The following ENPP2 variants were observed in gnomAD, a reference collection of about 807,000 sequenced individuals.
ENPP2 encodes autotaxin.
ENPP2 carries 51 observed loss-of-function variants against 120.2 expected under a neutral mutation model. The ratio of observed to expected loss-of-function variants is 0.42; its 90% CI spans 0.34 to 0.54. ENPP2 has a LOEUF of 0.54. Among genes scored for constraint, ENPP2 ranks in the 20% least tolerant of loss-of-function variants. The probability of loss-of-function intolerance (pLI) is 0.04; values close to 1 mark genes in which losing one functional copy is unlikely to be tolerated. For missense variants in ENPP2, 920 were observed against 1,066.5 expected (o/e 0.86, Z 1.91); for synonymous variants, 365 against 366.4 (o/e 1.00, Z 0.04).
Position 119,619,321 on chromosome 8 carries a change from G to A in ENPP2, c.419-17C>T, listed in dbSNP as rs199518862. Reference sequence around the variant, plus strand: ...GCGACTCTCCTATAAGGAAAAATGGGTAAATGTATTGTTGAATCTAATTAC... The same window carrying A: ...GCGACTCTCCTATAAGGAAAAATGGATAAATGTATTGTTGAATCTAATTAC... On this transcript the variant is annotated splice_polypyrimidine_tract_variant and intron_variant, in intron 4 of 24. Coordinates refer to ENST00000075322, the MANE Select transcript of ENPP2 (RefSeq NM_001040092.3). The A allele has an allele frequency of 1.4e-4, 223 of 1,574,542 alleles. 2 individuals are homozygous for A. In the East Asian group the frequency reaches 4.9e-3, roughly 35 times the overall value.
At chr8:119,633,844 C>G (rs1488812348) in intron 2 of ENPP2, among the ~76,000 whole-genome samples, 3 of 151,472 alleles carry the variant, frequency 2.0e-5, no homozygotes, top group Non-Finnish European at 4.4e-5. Flanking sequence ...TAAAGAGGTC[C>G]ACCTGGGAAG....
intron 1 of ENPP2, among the ~76,000 whole-genome samples, chr8:119,653,515 A>G (rs1817682613): frequency 6.6e-6 from 1 of 152,150 alleles, no homozygotes; most frequent in Non-Finnish European, 1.5e-5. Flanking sequence ...GGTGTCTTGG[A>G]AAAAATAGCA....
At chr8:119,618,503 TATAAA>T (rs1475718750) in intron 5 of ENPP2, 55 of 355,312 alleles carry the variant, frequency 1.5e-4, no homozygotes, top group Non-Finnish European at 2.1e-4. Context: ...TTGCTGGTGC[TATAAA>T]GGTTCCCATT....
At chr8:119,583,541 A>T (rs1471243021) in intron 17 of ENPP2, among the ~76,000 whole-genome samples, 176 bp downstream of exon 17, 1 of 152,230 alleles carries the variant, frequency 6.6e-6, no homozygotes, top group Non-Finnish European at 1.5e-5. Flanking sequence ...AAGACAAAGA[A>T]GCCTTAGAAG....
intron 19 of ENPP2, chr8:119,571,897 C>G (rs1031497962): frequency 1.0e-5 from 3 of 289,638 alleles, no homozygotes; most frequent in Non-Finnish European, 1.9e-5. Context: ...GAATACTTTG[C>G]AAGACCCTCC....
At chr8:119,647,360 C>T (rs769302682) in intron 1 of ENPP2, among the ~76,000 whole-genome samples, 1 of 152,082 alleles carries the variant, frequency 6.6e-6, no homozygotes, top group Admixed American at 6.6e-5. Context: ...GACCAATTAT[C>T]CTTGCACTAC....
intron 3 of ENPP2, among the ~76,000 whole-genome samples, chr8:119,622,171 C>T (rs1377761343): frequency 6.6e-6 from 1 of 152,154 alleles, no homozygotes; most frequent in Non-Finnish European, 1.5e-5. Flanking sequence ...TCAGGTGATC[C>T]TCCCACCTTG....
rs577940128 is a variant in ENPP2, at chr8:119,564,683, A to T, written c.2264+140T>A. 578 of 328,236 alleles carry T rather than the reference A, an allele frequency of 1.8e-3. 6 individuals carry two copies. The highest frequency in any genetic ancestry group is 0.011 in the African/African-American group (498 of 46,342). The allele number at this position is 328,236 out of a possible 1,614,324, so 20.3% of individuals were successfully genotyped here. On this transcript the variant is annotated intron_variant, in intron 23 of 24. Coordinates refer to ENST00000075322, the MANE Select transcript of ENPP2 (RefSeq NM_001040092.3). ...ACAGAGCAAGACGCCGTCTCAAAAA[A>T]ATATATATATATATATATTGAAAAA...
intron 2 of ENPP2, among the ~76,000 whole-genome samples, chr8:119,626,937 A>G (rs1469245825): frequency 6.6e-6 from 1 of 152,210 alleles, no homozygotes; most frequent in African/African-American, 2.4e-5. Context: ...AAGTAACTCT[A>G]TGTTGAAAAG....
chr8:119,637,872 T>C (rs959385139), intron 2 of ENPP2, among the ~76,000 whole-genome samples: 1 of 152,206 alleles, frequency 6.6e-6, no homozygotes, highest in South Asian at 2.1e-4. Context: ...TACCTTTCCT[T>C]TGCCATAAGG....
rs79363632 is a variant in ENPP2 at position 119,663,076 on chromosome 8, C to T, written c.21+10176G>A. Among the ~76,000 whole-genome samples the T allele has an allele frequency of 3.8e-3, 575 of 150,126 alleles. 5 individuals are homozygous for T. The highest frequency in any genetic ancestry group is 0.014 in the African/African-American group (552 of 40,762). On this transcript the variant is annotated intron_variant, in intron 1 of 25. Coordinates refer to the ENPP2 transcript ENST00000427067. ...AGGTTCCAGCGAGCCAAAATCACGC[C>T]GCTGCACTCCAGCCTGGGCAACACA...
At position 119,583,754 on chromosome 8, in the gene ENPP2, A is replaced by G. The variant is rs1218942340; in HGVS notation, c.1506T>C (p.Pro502=). The change falls in exon 17 of 25, where the codon CCT becomes CCC. Residue 502 remains proline (P), a synonymous_variant. Transcript: ENST00000075322. ...TGTAAAGTTCAATGTTTTCAAATGG[A>G]GGCACTTTAGTCTTGTACTTAAATG... The part of the protein sequence containing the change: ...GSTFKYKTKV[P]PFENIELYNV... 2 of 1,600,766 alleles carry G rather than the reference A, an allele frequency of 1.2e-6. No individual in the cohort carries two copies. The highest frequency in any genetic ancestry group is 1.7e-6 in the Non-Finnish European group (2 of 1,168,746).
chr8:119,595,947 G>T (rs1386883580), intron 11 of ENPP2: 4 of 1,613,698 alleles, frequency 2.5e-6, no homozygotes, highest in African/African-American at 2.7e-5. Context: ...CCTCTTAGGG[G>T]CAACTTTCCT....
chr8:119,655,517 C>T (rs1197801677), intron 1 of ENPP2, among the ~76,000 whole-genome samples: 3 of 152,214 alleles, frequency 2.0e-5, no homozygotes, highest in African/African-American at 7.2e-5. Flanking sequence ...TAGGAACCCT[C>T]TCTGGACCTT....
chr8:119,607,501 C>G (rs1814800638), intron 9 of ENPP2, among the ~76,000 whole-genome samples: 1 of 152,026 alleles, frequency 6.6e-6, no homozygotes, highest in Non-Finnish European at 1.5e-5. Flanking sequence ...TGGTGAAACC[C>G]TGTCTCTACT....
At chr8:119,650,871 C>T (rs747067419) in intron 1 of ENPP2, among the ~76,000 whole-genome samples, 8 of 152,050 alleles carry the variant, frequency 5.3e-5, no homozygotes, top group Non-Finnish European at 1.0e-4. Context: ...GTACACATCT[C>T]AAGTATCCTG....
At chr8:119,631,619 AT>A (rs1455728898) in intron 2 of ENPP2, among the ~76,000 whole-genome samples, 3 of 152,190 alleles carry the variant, frequency 2.0e-5, no homozygotes, top group Admixed American at 1.3e-4. Flanking sequence ...TACAAAAAAA[AT>A]AAACAAAATG....
intron 1 of ENPP2, among the ~76,000 whole-genome samples, chr8:119,671,870 C>T (rs1320544594): frequency 6.6e-6 from 1 of 152,254 alleles, no homozygotes; most frequent in East Asian, 1.9e-4. Context: ...AAGTGAAGCC[C>T]TTTAAGTATT....
chr8:119,668,261 A>C (rs1818132580), intron 1 of ENPP2, among the ~76,000 whole-genome samples: 1 of 152,174 alleles, frequency 6.6e-6, no homozygotes, highest in Admixed American at 6.5e-5. Context: ...GTTGCCACAT[A>C]TTAGGTGCTC....
Sources: gnomAD v4.1 joint callset for allele counts (sites outside exome capture counted in the v4.1 genomes callset) on GRCh38, gnomAD v4.1.1 for gene constraint, MANE v1.5 for transcripts, NCBI Gene and HGNC (gene_info 2026-07-23, HGNC 2026-07-21) for gene names.